The following OR5AN1 variants were observed in gnomAD, a reference collection of about 807,000 sequenced individuals.
The protein encoded by OR5AN1 is olfactory receptor family 5 subfamily AN member 1.
For synonymous variants in OR5AN1, 167 were observed against 131.8 expected (o/e 1.27, Z -1.83); for missense variants, 476 against 368.9 (o/e 1.29, Z -2.38).
chr11:59,361,295 T>C (rs976746088), intron 1 of OR5AN1, among the ~76,000 whole-genome samples: 1 of 152,204 alleles, frequency 6.6e-6, no homozygotes, highest in Non-Finnish European at 1.5e-5. Flanking sequence ...GTTTTTGTTT[T>C]TTGTTTTGAG....
Position 59,368,245 on chromosome 11 carries a change from A to G in OR5AN1, c.*2851A>G, listed in dbSNP as rs1857556775. ...TGACCAGGTACTGGAGCAGCCCCCAAGCATAAAACAGCAGCCCTATGGAAA... is the reference window on the plus strand; with the variant it reads ...TGACCAGGTACTGGAGCAGCCCCCAGGCATAAAACAGCAGCCCTATGGAAA... On this transcript the variant is annotated 3_prime_UTR_variant, in exon 2 of 2. Transcript: ENST00000641998. The G allele has an allele frequency of 6.6e-6, 1 of 152,288 alleles. No homozygotes were observed. The highest frequency in any genetic ancestry group is 1.5e-5 in the Non-Finnish European group (1 of 68,122). 9.4% of individuals were successfully genotyped at this position (152,288 alleles called of 1,614,324 possible). A position where few individuals can be genotyped will look rare whatever the true frequency, so the allele number is the denominator to read the frequency against.
Position 59,364,615 on chromosome 11 carries a change from G to C in OR5AN1, c.157G>C (p.Asp53His). The C allele has an allele frequency of 2.5e-6, 4 of 1,613,980 alleles. No homozygotes were observed. The highest frequency in any genetic ancestry group is 3.4e-6 in the Non-Finnish European group (4 of 1,179,956). ...CTCCCTCATTGTTTTAATAAGGATGGATTCCCACCTCCATACACCCATGTA... is the reference window on the plus strand; with the variant it reads ...CTCCCTCATTGTTTTAATAAGGATGCATTCCCACCTCCATACACCCATGTA... ...NLSLIVLIRM[D>H]SHLHTPMYFF... Residue 53 changes from aspartate to histidine, a missense_variant, in exon 2 of 2, where the codon GAT (aspartate) becomes CAT (histidine). Coordinates refer to ENST00000641998, the MANE Select transcript of OR5AN1 (RefSeq NM_001004729.2).
rs182721482 is a variant in OR5AN1, at chr11:59,365,261, C to T, written c.803C>T (p.Ser268Phe). 162 of 1,613,934 alleles carry T rather than the reference C, an allele frequency of 1.0e-4. No homozygotes were observed. In the East Asian group the frequency reaches 3.5e-3, roughly 35 times the overall value. Residue 268 changes from serine to phenylalanine, a missense_variant, in exon 2 of 2, where the codon TCT (serine) becomes TTT (phenylalanine). Transcript: ENST00000641998. ...TATTTGAGTTCCAGCTCTGGAGGTT[C>T]TTCAAGCTTTGACAGATTTGCATCT... ...FVYLSSSSGGSSSFDRFASVF... is the reference protein window; with the variant it reads ...FVYLSSSSGGFSSFDRFASVF...
At position 59,365,500 on chromosome 11, in the gene OR5AN1, C is replaced by T; in HGVS notation, c.*106C>T. On this transcript the variant is annotated 3_prime_UTR_variant, in exon 2 of 2. Coordinates refer to ENST00000641998, the MANE Select transcript of OR5AN1 (RefSeq NM_001004729.2). Reference sequence around the variant, plus strand: ...TAACAAAATTCATGCTGCCTACTGCCTTTGGACAAAGAAGGCTTGATTTGA... The same window carrying T: ...TAACAAAATTCATGCTGCCTACTGCTTTTGGACAAAGAAGGCTTGATTTGA... 1 of 699,604 alleles carries T rather than the reference C, an allele frequency of 1.4e-6. No homozygotes were observed. The highest frequency in any genetic ancestry group is 2.3e-6 in the Non-Finnish European group (1 of 427,912). 43.3% of individuals were successfully genotyped at this position (699,604 alleles called of 1,614,324 possible).
Position 59,368,980 on chromosome 11 carries a change from C to T in OR5AN1, c.*3586C>T, listed in dbSNP as rs981401908. 6.6e-6 allele frequency: 1 copy of T among 152,176 alleles called. No homozygotes were observed. The highest frequency in any genetic ancestry group is 1.5e-5 in the Non-Finnish European group (1 of 68,048). 9.4% of individuals were successfully genotyped at this position (152,176 alleles called of 1,614,324 possible). A position where few individuals can be genotyped will look rare whatever the true frequency, so the allele number is the denominator to read the frequency against. The stretch of plus-strand genomic sequence containing the variant: ...CCTAGGTATCACCTACTGAATCACA[C>T]CTCAAAACTTCAACACCAAAAATAT... On this transcript the variant is annotated 3_prime_UTR_variant, in exon 2 of 2. Transcript: ENST00000641998.
chr11:59,361,984 TTGTGTG>T (rs144506810), intron 1 of OR5AN1, among the ~76,000 whole-genome samples: 3 of 139,844 alleles, frequency 2.1e-5, no homozygotes, highest in Admixed American at 7.0e-5. Flanking sequence ...GTGTGTGTGT[TTGTGTG>T]TGTGTGTGTG....
chr11:59,364,082 A>G (rs1857494888), intron 1 of OR5AN1, among the ~76,000 whole-genome samples: 2 of 152,294 alleles, frequency 1.3e-5, no homozygotes, highest in Admixed American at 1.3e-4. Flanking sequence ...ATAATTTTAA[A>G]GCAACAGTTA....
At position 59,365,179 on chromosome 11, in the gene OR5AN1, A is replaced by C; in HGVS notation, c.721A>C (p.Thr241Pro). ...TAAAGGCAGGTCCAAGGCATTCAAC[A>C]CCTGTGCTTCTCATCTAACAGCTGT... Reference protein sequence around the residue: ...SAKGRSKAFNTCASHLTAVSL... With the variant: ...SAKGRSKAFNPCASHLTAVSL... Residue 241 changes from threonine (T) to proline (P), a missense_variant, in exon 2 of 2, where the codon ACC (threonine) becomes CCC (proline). Coordinates refer to ENST00000641998, the MANE Select transcript of OR5AN1 (RefSeq NM_001004729.2). The C allele has an allele frequency of 6.2e-7, 1 of 1,613,968 alleles. No homozygotes were observed. Among genetic ancestry groups the C allele is most frequent in the East Asian group, 2.2e-5 (1 of 44,862 alleles).
rs565714849 is a variant in OR5AN1 at position 59,368,311 on chromosome 11, C to A, written c.*2917C>A. The A allele has an allele frequency of 6.6e-6, 1 of 152,554 alleles. No individual in the cohort carries two copies. Among genetic ancestry groups the A allele is most frequent in the East Asian group, 1.9e-4 (1 of 5,180 alleles). The allele number at this position is 152,554 out of a possible 1,614,324, so 9.5% of individuals were successfully genotyped here. ...TCGTGGGTTTCCATTCCCATATCTT[C>A]TCACCAGGAAGATCTTCAGGCCTGG... On this transcript the variant is annotated 3_prime_UTR_variant, in exon 2 of 2. Coordinates refer to ENST00000641998, the MANE Select transcript of OR5AN1 (RefSeq NM_001004729.2).
Position 59,365,876 on chromosome 11 carries a change from TAAA to T in OR5AN1, c.*483_*485del, listed in dbSNP as rs1565053866. ...TTCTGTGTTTCTGGATGGGAAAGAA[TAAA>T]CAGACAGAGGGGTTCTGCCATTGGA... On this transcript the variant is annotated 3_prime_UTR_variant, in exon 2 of 2. Coordinates refer to ENST00000641998, the MANE Select transcript of OR5AN1 (RefSeq NM_001004729.2). 6.5e-6 allele frequency: 1 copy of T among 152,770 alleles called. No individual in the cohort carries two copies. The highest frequency in any genetic ancestry group is 1.5e-5 in the Non-Finnish European group (1 of 68,566). 9.5% of individuals were successfully genotyped at this position (152,770 alleles called of 1,614,324 possible). A position where few individuals can be genotyped will look rare whatever the true frequency, so the allele number is the denominator to read the frequency against.
In OR5AN1 at chr11:59,365,139, G is replaced by A; in HGVS notation, c.681G>A (p.Met227Ile). ...ATGGCTATATTGGCATCTCCATCAT[G>A]AAGATCACTTCAGCTAAAGGCAGGT... ...ISYGYIGISI[M>I]KITSAKGRSK... Residue 227 changes from methionine (M) to isoleucine (I), a missense_variant, in exon 2 of 2, where the codon ATG becomes ATA. Met to Ile is a conservative substitution (Grantham distance 10). Transcript: ENST00000641998. 1 of 1,614,068 alleles carries A rather than the reference G, an allele frequency of 6.2e-7. No individual in the cohort carries two copies. The highest frequency in any genetic ancestry group is 1.1e-5 in the South Asian group (1 of 91,078).
rs73480614 is a variant in OR5AN1, at chr11:59,363,650, A to G, written c.-13-796A>G. Among the ~76,000 whole-genome samples the G allele has an allele frequency of 4.1e-3, 621 of 152,350 alleles. 6 individuals are homozygous for G. Among genetic ancestry groups the G allele is most frequent in the African/African-American group, 0.014 (593 of 41,584 alleles). On this transcript the variant is annotated intron_variant, in intron 1 of 1. Transcript: ENST00000641998. ...AGAAGTTATTATAAACAGGGAAAGC[A>G]ATTTTTCTAAAGGGTAAAATAAAAA...
Position 59,365,582 on chromosome 11 carries a change from T to A in OR5AN1, c.*188T>A, listed in dbSNP as rs113313120. The A allele has an allele frequency of 2.8e-3, 1,380 of 496,644 alleles. 17 individuals are homozygous for A. The highest frequency in any genetic ancestry group is 0.023 in the African/African-American group (1,188 of 51,090). The allele number at this position is 496,644 out of a possible 1,614,324, so 30.8% of individuals were successfully genotyped here. A position where few individuals can be genotyped will look rare whatever the true frequency, so the allele number is the denominator to read the frequency against. On this transcript the variant is annotated 3_prime_UTR_variant, in exon 2 of 2. Coordinates refer to ENST00000641998, the MANE Select transcript of OR5AN1 (RefSeq NM_001004729.2). The stretch of plus-strand genomic sequence containing the variant: ...TGACTCAATGCCACAGACATCAGGA[T>A]CTTTAGGTCCTGGAGGTTCATTATT...
rs1256862151 is a variant in OR5AN1 at position 59,365,470 on chromosome 11, G to A, written c.*76G>A. ...AACCCACAAAATATGATAATGAATG[G>A]ACTATAACAAAATTCATGCTGCCTA... is the stretch of plus-strand genomic sequence containing the variant. On this transcript the variant is annotated 3_prime_UTR_variant, in exon 2 of 2. Coordinates refer to ENST00000641998, the MANE Select transcript of OR5AN1 (RefSeq NM_001004729.2). 1.1e-6 allele frequency: 1 copy of A among 878,928 alleles called. No homozygotes were observed. The highest frequency in any genetic ancestry group is 1.8e-5 in the South Asian group (1 of 56,822). 54.4% of individuals were successfully genotyped at this position (878,928 alleles called of 1,614,324 possible).
At chr11:59,360,164 T>C (rs1007301453) in intron 1 of OR5AN1, 2 of 152,164 alleles carry the variant, frequency 1.3e-5, no homozygotes, top group African/African-American at 4.8e-5. Context: ...TTACTGGAAA[T>C]GGTAGATTAC....
chr11:59,365,209 CTCTTCTATA>C lies in OR5AN1; in HGVS notation c.752_760del (p.Leu251_Thr254delinsPro). On this transcript the variant is annotated inframe_deletion, in exon 2 of 2. Transcript: ENST00000641998. ...TGCTTCTCATCTAACAGCTGTTTCCCTCTTCTATACATCAGGAATCTTTGTCTATTTGAG... is the reference window on the plus strand; with the variant it reads ...TGCTTCTCATCTAACAGCTGTTTCCCCATCAGGAATCTTTGTCTATTTGAG... 1 of 1,614,068 alleles carries C rather than the reference CTCTTCTATA, an allele frequency of 6.2e-7. No individual in the cohort carries two copies. Among genetic ancestry groups the C allele is most frequent in the Non-Finnish European group, 8.5e-7 (1 of 1,179,964 alleles).
At chr11:59,364,120 A>G (rs1037156284) in intron 1 of OR5AN1, among the ~76,000 whole-genome samples, 4 of 152,286 alleles carry the variant, frequency 2.6e-5, no homozygotes, top group Non-Finnish European at 5.9e-5. Flanking sequence ...GGTCTTTTTG[A>G]AGAAAAACTA....
At position 59,365,161 on chromosome 11, in the gene OR5AN1, A is replaced by G. The variant is rs1857511001; in HGVS notation, c.703A>G (p.Arg235Gly). Residue 235 changes from arginine to glycine, a missense_variant, in exon 2 of 2, where the codon AGG (arginine) becomes GGG (glycine). Coordinates refer to ENST00000641998, the MANE Select transcript of OR5AN1 (RefSeq NM_001004729.2). The stretch of plus-strand genomic sequence containing the variant: ...CATGAAGATCACTTCAGCTAAAGGC[A>G]GGTCCAAGGCATTCAACACCTGTGC... ...SIMKITSAKG[R>G]SKAFNTCASH... 6.2e-7 allele frequency: 1 copy of G among 1,614,058 alleles called. No individual in the cohort carries two copies. Among genetic ancestry groups the G allele is most frequent in the South Asian group, 1.1e-5 (1 of 91,078 alleles).
intron 1 of OR5AN1, among the ~76,000 whole-genome samples, chr11:59,364,145 G>T (rs1339998418): frequency 6.6e-6 from 1 of 152,118 alleles, no homozygotes; most frequent in Non-Finnish European, 1.5e-5. Context: ...CTTAATTAGT[G>T]ATCTTTACCT....
Sources: gnomAD v4.1 joint callset for allele counts (sites outside exome capture counted in the v4.1 genomes callset) on GRCh38, gnomAD v4.1.1 for gene constraint, MANE v1.5 for transcripts, NCBI Gene and HGNC (gene_info 2026-07-23, HGNC 2026-07-21) for gene names.